ANKRD36C: variants seen among roughly 807,000 people sequenced by gnomAD.
ANKRD36C encodes the protein ankyrin repeat domain-containing protein 36C.
In ANKRD36C, 61 loss-of-function variants were observed where a neutral mutation model predicts 276.4. That is an observed-to-expected ratio of 0.22 (90% CI 0.18 to 0.27). ANKRD36C has a LOEUF of 0.27. Ranked by LOEUF, ANKRD36C falls within the 10% of genes least tolerant of loss-of-function variation. The pLI is 1.00. For missense variants in ANKRD36C, 1,447 were observed against 2,032.3 expected, an observed-to-expected ratio of 0.71 and a Z score of 5.54; for synonymous variants, 483 against 680.1, an observed-to-expected ratio of 0.71 and a Z score of 4.51.
chr2:95,878,535 C>G (rs890101394), intron 58 of ANKRD36C, among the ~76,000 whole-genome samples: 2 of 152,154 alleles, frequency 1.3e-5, no homozygotes, highest in Non-Finnish European at 2.9e-5. Context: ...ATTATTCCCA[C>G]CACAAATAAA....
At chr2:95,964,290 A>T (rs952430396) in intron 6 of ANKRD36C, among the ~76,000 whole-genome samples, 12 of 151,554 alleles carry the variant, frequency 7.9e-5, no homozygotes, top group African/African-American at 2.9e-4. Context: ...GAGAAATGAA[A>T]CCCTGTGGGT....
intron 60 of ANKRD36C, among the ~76,000 whole-genome samples, chr2:95,862,084 C>T (rs1251711064): frequency 1.3e-5 from 2 of 152,020 alleles, no homozygotes; most frequent in African/African-American, 2.4e-5. Flanking sequence ...AAACCAGCCT[C>T]GCAATATATG....
chr2:95,895,772 G>C (rs540623666), intron 44 of ANKRD36C, among the ~76,000 whole-genome samples, 182 bp from the exon 61 acceptor site: 3 of 151,054 alleles, frequency 2.0e-5, no homozygotes, highest in Non-Finnish European at 3.0e-5. Flanking sequence ...GGGAACACAG[G>C]CTCCATGAAA....
intron 59 of ANKRD36C, among the ~76,000 whole-genome samples, chr2:95,871,831 G>A (rs1328159646): frequency 1.3e-5 from 2 of 150,628 alleles, no homozygotes; most frequent in Non-Finnish European, 3.0e-5. Context: ...GATCTACCAA[G>A]CAAATGGAAA....
chr2:95,952,666 AAC>A (rs1678225807), intron 14 of ANKRD36C, among the ~76,000 whole-genome samples: 1 of 152,298 alleles, frequency 6.6e-6, no homozygotes, highest in African/African-American at 2.4e-5. Flanking sequence ...ATATTTTCTC[AAC>A]ATAACTCACC....
At chr2:95,893,808 T>C in intron 44 of ANKRD36C, 84 bp from the exon 63 acceptor site, 6 of 1,591,992 alleles carry the variant, frequency 3.8e-6, no homozygotes, top group Non-Finnish European at 4.3e-6. Flanking sequence ...AGCATCAAAC[T>C]CTGTCCTCCT....
At chr2:95,896,840 C>A (rs1045231916) in intron 44 of ANKRD36C, among the ~76,000 whole-genome samples, 1 of 149,944 alleles carries the variant, frequency 6.7e-6, no homozygotes, top group Non-Finnish European at 1.5e-5. Flanking sequence ...ATAGTTGCTA[C>A]ACCAGGGGTC....
intron 5 of ANKRD36C, among the ~76,000 whole-genome samples, chr2:95,979,823 AG>A (rs1469110020): frequency 6.6e-6 from 1 of 152,076 alleles, no homozygotes; most frequent in Admixed American, 6.6e-5. Context: ...CTAGAAGCCC[AG>A]GTTAAAATGT....
In ANKRD36C at chr2:95,911,627, C is replaced by A. The variant is rs982210338; in HGVS notation, c.2653+617G>T. Among the ~76,000 whole-genome samples, 127 of 151,478 alleles carry A rather than the reference C, an allele frequency of 8.4e-4. 2 individuals carry two copies. The highest frequency in any genetic ancestry group is 2.4e-4 in the Non-Finnish European group (16 of 67,610). On this transcript the variant is annotated intron_variant, in intron 42 of 66. Transcript: ENST00000456556. ...CATTGAGTTTTTATGCCAATTCAAA[C>A]ACTGTTTCCTGCTTCCAGCAGTTGC...
intron 13 of ANKRD36C, among the ~76,000 whole-genome samples, chr2:95,954,297 G>A (rs557277036): frequency 3.4e-4 from 52 of 152,146 alleles, no homozygotes; most frequent in Non-Finnish European, 4.3e-4. Flanking sequence ...ATAATGGCGT[G>A]GCCAGACAAT....
chr2:95,891,554 C>T, intron 46 of ANKRD36C, 111 bp downstream of exon 66: 3 of 1,326,834 alleles, frequency 2.3e-6, no homozygotes, highest in Non-Finnish European at 3.1e-6. Flanking sequence ...AATCTCAGGA[C>T]TGCTGTATCA....
chr2:95,902,925 T>C, intron 42 of ANKRD36C: 1 of 1,589,628 alleles, frequency 6.3e-7, no homozygotes, highest in Non-Finnish European at 8.6e-7. Flanking sequence ...CCTCTGGCTA[T>C]ATTCAAAAGA....
chr2:95,891,188 C>CAGGGAAGAGAATTTCTTATCTATCTG (rs1366297819), intron 46 of ANKRD36C, among the ~76,000 whole-genome samples: 23 of 151,396 alleles, frequency 1.5e-4, no homozygotes, highest in Non-Finnish European at 2.2e-4. Context: ...TCCTCTTTTT[C>CAGGGAAGAGAATTTCTTATCTATCTG]CACCTTCCTG....
At chr2:95,908,379 A>G (rs1214254928) in intron 42 of ANKRD36C, 123 bp downstream of exon 48, 10 of 744,024 alleles carry the variant, frequency 1.3e-5, no homozygotes, top group Non-Finnish European at 1.6e-5. Context: ...TTTGAAATGA[A>G]GAATCTCAGG....
intron 44 of ANKRD36C, among the ~76,000 whole-genome samples, chr2:95,894,908 T>C (rs1319717164): frequency 1.3e-5 from 2 of 150,858 alleles, no homozygotes; most frequent in Non-Finnish European, 3.0e-5. Context: ...ATTATATAAA[T>C]GACTTCCTCT....
At chr2:95,934,935 C>T (rs913915546) in intron 24 of ANKRD36C, among the ~76,000 whole-genome samples, 1 of 152,304 alleles carries the variant, frequency 6.6e-6, no homozygotes, top group Non-Finnish European at 1.5e-5. Context: ...TCAGAGGTAT[C>T]ACACACACCC....
At chr2:95,854,814 G>A (rs1675370684) in intron 63 of ANKRD36C, among the ~76,000 whole-genome samples, 1 of 151,916 alleles carries the variant, frequency 6.6e-6, no homozygotes, top group Non-Finnish European at 1.5e-5. Context: ...AGCTACTGAA[G>A]AAAAGTAATT....
At chr2:95,878,781 A>T (rs1573735126) in intron 58 of ANKRD36C, among the ~76,000 whole-genome samples, 1 of 152,300 alleles carries the variant, frequency 6.6e-6, no homozygotes, top group African/African-American at 2.4e-5. Flanking sequence ...CTCAGTTAAA[A>T]TGGCTTTTAT....
chr2:95,927,751 G>C (rs1335986532), intron 26 of ANKRD36C, among the ~76,000 whole-genome samples: 3 of 151,588 alleles, frequency 2.0e-5, no homozygotes, highest in Non-Finnish European at 4.4e-5. Context: ...AAAGCAGGTG[G>C]TACATTATCC....
Sources: gnomAD v4.1 joint callset for allele counts (sites outside exome capture counted in the v4.1 genomes callset) on GRCh38, gnomAD v4.1.1 for gene constraint, MANE v1.5 for transcripts, NCBI Gene and HGNC (gene_info 2026-07-23, HGNC 2026-07-21) for gene names.